ATP2B2: variants seen among roughly 807,000 people sequenced by gnomAD.
ATP2B2 encodes plasma membrane calcium-transporting ATPase 2.
ATP2B2 carries 15 observed loss-of-function variants against 120.0 expected under a neutral mutation model. The observed-to-expected ratio is 0.12, with a 90% CI of 0.08 to 0.19. ATP2B2 has a LOEUF of 0.19. Ranked by LOEUF, ATP2B2 falls within the 10% of genes least tolerant of loss-of-function variation. The pLI is 1.00. For synonymous variants in ATP2B2, 694 were observed against 700.3 expected, an observed-to-expected ratio of 0.99 and a Z score of 0.14; for missense variants, 1,045 against 1,719.8, an observed-to-expected ratio of 0.61 and a Z score of 6.94.
chr3:10,641,678 AG>A (rs1048800949), intron 1 of ATP2B2, among the ~76,000 whole-genome samples: 6 of 152,184 alleles, frequency 3.9e-5, no homozygotes, highest in African/African-American at 1.4e-4. Flanking sequence ...ACTTGGATGC[AG>A]CTGAGGGTTC....
chr3:10,327,384 A>G lies in ATP2B2; in HGVS notation c.*1430T>C, dbSNP rs1345416856. On this transcript the variant is annotated 3_prime_UTR_variant, in exon 23 of 23. Transcript: ENST00000360273. ...ACACTGAGTACATCTCAATATACAC[A>G]TCATAAGGTTCATTCGGATCTAAAT... 2 of 152,746 alleles carry G rather than the reference A, an allele frequency of 1.3e-5. No homozygotes were observed. The highest frequency in any genetic ancestry group is 1.9e-4 in the East Asian group (1 of 5,200). 9.5% of individuals were successfully genotyped at this position (152,746 alleles called of 1,614,324 possible).
At chr3:10,601,795 G>A (rs1238321438) in intron 2 of ATP2B2, among the ~76,000 whole-genome samples, 2 of 152,188 alleles carry the variant, frequency 1.3e-5, no homozygotes, top group Non-Finnish European at 2.9e-5. Flanking sequence ...CTTGGGCAGG[G>A]CCCAAATGGA....
Position 10,612,120 on chromosome 3 carries a change from C to T in ATP2B2, c.-415+7797G>A, listed in dbSNP as rs79916203. Among the ~76,000 whole-genome samples, 616 of 152,262 alleles carry T rather than the reference C, an allele frequency of 4.0e-3. 7 individuals are homozygous for T. The highest frequency in any genetic ancestry group is 0.014 in the African/African-American group (582 of 41,534). On this transcript the variant is annotated intron_variant, in intron 2 of 21. Transcript: ENST00000646379. ...AACTCCTGGCTCAGCACTGGGCACA[C>T]GGCAGGTGCTGCATATGCTCTCTGG...
At position 10,454,488 on chromosome 3, in the gene ATP2B2, C is replaced by T. The variant is rs527844207; in HGVS notation, c.-319-4626G>A. ...AAAAATCAGAACTCCACCCTGAAGG[C>T]GACTGATCTCATACTTCCTTCTCTA... On this transcript the variant is annotated intron_variant, in intron 1 of 22. Coordinates refer to ENST00000360273, the MANE Select transcript of ATP2B2 (RefSeq NM_001001331.4). Among the ~76,000 whole-genome samples the T allele has an allele frequency of 3.9e-5, 6 of 152,218 alleles. No individual in the cohort carries two copies. In the East Asian group the frequency reaches 7.7e-4, roughly 20 times the overall value.
chr3:10,418,178 C>G (rs891455578), intron 2 of ATP2B2, among the ~76,000 whole-genome samples: 1 of 152,134 alleles, frequency 6.6e-6, no homozygotes, highest in Non-Finnish European at 1.5e-5. Flanking sequence ...CAGCATGCAT[C>G]GAGCTGTCAA....
At chr3:10,393,008 C>T (rs1178942550) in intron 5 of ATP2B2, among the ~76,000 whole-genome samples, 1 of 152,224 alleles carries the variant, frequency 6.6e-6, no homozygotes, top group Non-Finnish European at 1.5e-5. Context: ...TTCCCCAGCT[C>T]CACAGTCCTT....
At chr3:10,526,122 T>C (rs1470862215) in intron 3 of ATP2B2, among the ~76,000 whole-genome samples, 1 of 152,210 alleles carries the variant, frequency 6.6e-6, no homozygotes, top group African/African-American at 2.4e-5. Flanking sequence ...ATATTTGTAT[T>C]ATTAAAACAG....
At chr3:10,469,970 A>G (rs2064913732) in intron 1 of ATP2B2, among the ~76,000 whole-genome samples, 1 of 151,962 alleles carries the variant, frequency 6.6e-6, no homozygotes, top group African/African-American at 2.4e-5. Flanking sequence ...GACCCAGGTG[A>G]GGGTGTCAGT....
chr3:10,568,552 G>A (rs899507453), intron 2 of ATP2B2, among the ~76,000 whole-genome samples: 4 of 152,202 alleles, frequency 2.6e-5, no homozygotes, highest in Admixed American at 2.0e-4. Flanking sequence ...CTGCACTTCA[G>A]TTCTGGCTGT....
At chr3:10,550,512 T>A (rs1027239923) in intron 2 of ATP2B2, among the ~76,000 whole-genome samples, 1 of 152,160 alleles carries the variant, frequency 6.6e-6, no homozygotes, top group East Asian at 1.9e-4. Context: ...GTCTATGTGA[T>A]AGTTTTTTAA....
intron 12 of ATP2B2, among the ~76,000 whole-genome samples, chr3:10,371,184 C>T (rs979602620): frequency 3.9e-5 from 6 of 152,340 alleles, no homozygotes; most frequent in Middle Eastern, 3.4e-3. Flanking sequence ...AAAGTGATAA[C>T]GTGGCGGTTC....
intron 9 of ATP2B2, 134 bp from the exon 10 acceptor site, chr3:10,378,544 G>T (rs564553739): frequency 2.0e-5 from 24 of 1,216,318 alleles, no homozygotes; most frequent in Non-Finnish European, 2.8e-5. Context: ...ACTGAGCCCC[G>T]CATGGCTGGT....
chr3:10,683,384 T>G (rs1233604990), intron 1 of ATP2B2, among the ~76,000 whole-genome samples: 1 of 152,046 alleles, frequency 6.6e-6, no homozygotes, highest in Non-Finnish European at 1.5e-5. Flanking sequence ...CCTCATGGGT[T>G]GGGAAGGCAG....
chr3:10,394,797 C>T (rs112271058), intron 5 of ATP2B2, among the ~76,000 whole-genome samples: 1,877 of 151,864 alleles, frequency 0.012, 38 homozygotes, highest in African/African-American at 0.041. Context: ...CGGGGTCTCG[C>T]GGGGGTTGAG....
At chr3:10,603,133 G>A (rs866062989) in intron 2 of ATP2B2, among the ~76,000 whole-genome samples, 19 of 152,304 alleles carry the variant, frequency 1.2e-4, no homozygotes, top group African/African-American at 4.3e-4. Flanking sequence ...TGGTGACCCC[G>A]GCCCTCTTGA....
At chr3:10,388,196 T>C (rs751650987) in intron 6 of ATP2B2, 81 bp downstream of exon 6, 2 of 1,597,854 alleles carry the variant, frequency 1.3e-6, no homozygotes, top group African/African-American at 2.7e-5. Flanking sequence ...TCAATAACTA[T>C]TTTGTTGAGT....
chr3:10,443,700 G>A (rs1392860330), intron 2 of ATP2B2, among the ~76,000 whole-genome samples: 1 of 152,166 alleles, frequency 6.6e-6, no homozygotes, highest in East Asian at 1.9e-4. Flanking sequence ...ACCTATCCCT[G>A]GAGTTTTCAG....
intron 1 of ATP2B2, among the ~76,000 whole-genome samples, chr3:10,683,545 C>T (rs2071432846): frequency 6.6e-6 from 1 of 151,548 alleles, no homozygotes; most frequent in Admixed American, 6.6e-5. Flanking sequence ...AGAGAGGCAC[C>T]AGATCAGTTA....
chr3:10,591,286 T>G (rs979700299), intron 2 of ATP2B2, among the ~76,000 whole-genome samples: 4 of 152,170 alleles, frequency 2.6e-5, no homozygotes, highest in Non-Finnish European at 5.9e-5. Context: ...CACAACGCAC[T>G]CTGTGGGCCT....
Sources: gnomAD v4.1 joint callset for allele counts (sites outside exome capture counted in the v4.1 genomes callset) on GRCh38, gnomAD v4.1.1 for gene constraint, MANE v1.5 for transcripts, NCBI Gene and HGNC (gene_info 2026-07-23, HGNC 2026-07-21) for gene names.